PIPOX: variants seen among roughly 807,000 people sequenced by gnomAD.
PIPOX encodes peroxisomal sarcosine oxidase.
PIPOX carries 45 observed loss-of-function variants against 47.9 expected under a neutral mutation model. That is an observed-to-expected ratio of 0.94 (90% CI 0.74 to 1.20). The LOEUF is 1.20. Among genes scored for constraint, PIPOX ranks in the 50% most tolerant of loss-of-function variants. The probability of loss-of-function intolerance (pLI) is 0.00; values close to 1 mark genes in which losing one functional copy is unlikely to be tolerated. For synonymous variants in PIPOX, 165 were observed against 191.3 expected, an observed-to-expected ratio of 0.86 and a Z score of 1.13; for missense variants, 458 against 498.4, an observed-to-expected ratio of 0.92 and a Z score of 0.77.
At chr17:29,049,394 GA>G (rs11291050) in intron 2 of PIPOX, among the ~76,000 whole-genome samples, 33,141 of 151,962 alleles carry the variant, frequency 0.22, 4,251 homozygotes, top group African/African-American at 0.36. Context: ...GGTCTAAGCA[GA>G]AAAAAAGAAG....
intron 4 of PIPOX, 187 bp downstream of exon 4, chr17:29,053,782 G>A (rs995463341): frequency 8.4e-6 from 4 of 474,902 alleles, no homozygotes; most frequent in Middle Eastern, 5.4e-4. Flanking sequence ...GGCTGTTGGA[G>A]AATTAAATTA....
intron 2 of PIPOX, chr17:29,046,606 A>G: frequency 1.0e-6 from 1 of 985,380 alleles, no homozygotes; most frequent in Non-Finnish European, 1.2e-6. Flanking sequence ...ATTCTGTTCC[A>G]TTGAGCAACA....
intron 1 of PIPOX, 45 bp from the exon 2 acceptor site, chr17:29,044,814 T>A (rs762597250): frequency 3.8e-6 from 6 of 1,574,024 alleles, no homozygotes; most frequent in Non-Finnish European, 8.6e-7. Context: ...GGATGCAGTG[T>A]GAGGGGTAAT....
At chr17:29,054,524 A>T in intron 4 of PIPOX, 21 bp from the exon 5 acceptor site, 1 of 1,611,904 alleles carries the variant, frequency 6.2e-7, no homozygotes, top group Non-Finnish European at 8.5e-7. Context: ...TTCATTTCCC[A>T]CTTCCTCTCC....
intron 2 of PIPOX, 53 bp downstream of exon 2, chr17:29,045,060 T>G (rs1269506831): frequency 9.9e-6 from 15 of 1,520,928 alleles, no homozygotes; most frequent in Non-Finnish European, 1.3e-5. Flanking sequence ...CTGCAGGTAC[T>G]TTTAGTGTGT....
intron 2 of PIPOX, among the ~76,000 whole-genome samples, chr17:29,051,263 G>T (rs2065805084): frequency 6.6e-6 from 1 of 152,234 alleles, no homozygotes; most frequent in Non-Finnish European, 1.5e-5. Context: ...CGAAGAGGCA[G>T]AGCTCTCGTT....
Position 29,052,901 on chromosome 17 carries a change from G to A in PIPOX, c.264-19G>A, listed in dbSNP as rs2065811620. 6.2e-7 allele frequency: 1 copy of A among 1,611,024 alleles called. No individual in the cohort carries two copies. Among genetic ancestry groups the A allele is most frequent in the Non-Finnish European group, 8.5e-7 (1 of 1,177,194 alleles). ...GATTTTGAAACACACCTTCACCTAG[G>A]TGACTTATTTTTTAACAGGCAGACT... On this transcript the variant is annotated intron_variant, in intron 2 of 7. Coordinates refer to ENST00000323372, the MANE Select transcript of PIPOX (RefSeq NM_016518.3).
Position 29,049,968 on chromosome 17 carries a change from A to G in PIPOX, c.264-2952A>G, listed in dbSNP as rs548655764. 3.9e-5 allele frequency among the ~76,000 whole-genome samples: 6 copies of G among 152,332 alleles called. No individual in the cohort carries two copies. In the South Asian group the frequency reaches 1.2e-3, roughly 32 times the overall value. On this transcript the variant is annotated intron_variant, in intron 2 of 7. Coordinates refer to ENST00000323372, the MANE Select transcript of PIPOX (RefSeq NM_016518.3). ...ATTCACCGGCAGAATCAGCTCGCTGATTACTCCCAGGGATGGGGAGCTCCC... is the reference window on the plus strand; with the variant it reads ...ATTCACCGGCAGAATCAGCTCGCTGGTTACTCCCAGGGATGGGGAGCTCCC...
intron 2 of PIPOX, chr17:29,046,574 T>C (rs973689309): frequency 2.5e-5 from 25 of 985,240 alleles, no homozygotes; most frequent in Non-Finnish European, 2.7e-5. Flanking sequence ...AGTCCCTTAT[T>C]GACCCATTCT....
rs995305427 is a variant in PIPOX, at chr17:29,056,432, C to A, written c.*127C>A. Reference sequence around the variant, plus strand: ...CTGCCTCGCCTGAATCCCCCATAAACACCAGATGATTGAGTCTACCTTCTT... The same window carrying A: ...CTGCCTCGCCTGAATCCCCCATAAAAACCAGATGATTGAGTCTACCTTCTT... On this transcript the variant is annotated 3_prime_UTR_variant, in exon 8 of 8. Transcript: ENST00000323372. 21 of 1,070,858 alleles carry A rather than the reference C, an allele frequency of 2.0e-5. No homozygotes were observed. The highest frequency in any genetic ancestry group is 2.7e-5 in the Non-Finnish European group (20 of 739,912). 66.3% of individuals were successfully genotyped at this position (1,070,858 alleles called of 1,614,324 possible).
Position 29,044,979 on chromosome 17 carries a change from G to C in PIPOX, c.235G>C (p.Glu79Gln), listed in dbSNP as rs1568018029. 8.1e-6 allele frequency: 13 copies of C among 1,611,616 alleles called. No individual in the cohort carries two copies. The highest frequency in any genetic ancestry group is 1.1e-5 in the Non-Finnish European group (13 of 1,178,802). Residue 79 changes from glutamate (E) to glutamine (Q), a missense_variant, in exon 2 of 8, where the codon GAG (glutamate) becomes CAG (glutamine). Physicochemically the swap from Glu to Gln is conservative, Grantham distance 29. Transcript: ENST00000323372. ...GTGCTATCAGATATGGGCCCAGCTGGAGCACGAGGCTGGAACCCAATTGCA... is the reference window on the plus strand; with the variant it reads ...GTGCTATCAGATATGGGCCCAGCTGCAGCACGAGGCTGGAACCCAATTGCA... ...HECYQIWAQL[E>Q]HEAGTQLHRQ...
chr17:29,047,724 A>G (rs935187796), intron 2 of PIPOX, among the ~76,000 whole-genome samples: 12 of 152,134 alleles, frequency 7.9e-5, no homozygotes, highest in African/African-American at 2.9e-4. Context: ...TTTAAAAACC[A>G]TCTTGGCTCA....
At chr17:29,049,557 C>G (rs750598029) in intron 2 of PIPOX, among the ~76,000 whole-genome samples, 1 of 152,210 alleles carries the variant, frequency 6.6e-6, no homozygotes, top group Non-Finnish European at 1.5e-5. Flanking sequence ...GAGGAAAAGG[C>G]CCATTCTCCA....
chr17:29,045,471 C>T (rs781201528), intron 2 of PIPOX, among the ~76,000 whole-genome samples: 12 of 125,700 alleles, frequency 9.5e-5, no homozygotes, highest in African/African-American at 2.7e-4. Context: ...AGTGTAGTGG[C>T]GCCATCTTGG....
At position 29,050,912 on chromosome 17, in the gene PIPOX, T is replaced by G. The variant is rs922243910; in HGVS notation, c.264-2008T>G. ...ATCTCAGCACTTTGTGAGGCTGAGGTGGGCAGATCATGAGGTCAGGAGTTC... is the reference window on the plus strand; with the variant it reads ...ATCTCAGCACTTTGTGAGGCTGAGGGGGGCAGATCATGAGGTCAGGAGTTC... On this transcript the variant is annotated intron_variant, in intron 2 of 7. Coordinates refer to ENST00000323372, the MANE Select transcript of PIPOX (RefSeq NM_016518.3). Among the ~76,000 whole-genome samples the G allele has an allele frequency of 2.0e-5, 3 of 150,788 alleles. No homozygotes were observed. In the East Asian group the frequency reaches 5.9e-4, roughly 29 times the overall value.
chr17:29,045,403 C>CTTTTTTT lies in PIPOX; in HGVS notation c.263+418_263+424dup, dbSNP rs57047541. 1.8e-3 allele frequency among the ~76,000 whole-genome samples: 90 copies of CTTTTTTT among 50,978 alleles called. 14 individuals carry two copies. Among genetic ancestry groups the CTTTTTTT allele is most frequent in the East Asian group, 9.1e-3 (12 of 1,314 alleles). 33.4% of individuals were successfully genotyped at this position (50,978 alleles called of 152,430 possible). On this transcript the variant is annotated intron_variant, in intron 2 of 7. Transcript: ENST00000323372. ...GGAGGAGGCTGCTTTCAGGAGGATT[C>CTTTTTTT]TTTTTTTTTTTTTTTTTTTTTTTTT...
Position 29,055,221 on chromosome 17 carries a change from G to A in PIPOX, c.966G>A (p.Thr322=), listed in dbSNP as rs751686899. The A allele has an allele frequency of 1.3e-5, 21 of 1,613,990 alleles. No homozygotes were observed. The highest frequency in any genetic ancestry group is 5.3e-5 in the African/African-American group (4 of 74,902). Residue 322 remains threonine, a splice_region_variant and synonymous_variant, in exon 6 of 8, where the codon ACG becomes ACA. Transcript: ENST00000323372. ...EPAVIESCMY[T]NTPDEQFILD... is the part of the protein sequence containing the mutation. ...CTGTCATTGAGAGCTGCATGTACACGGTAAGGGGTCTGGGCAGCCTTGCTG... is the reference window on the plus strand; with the variant it reads ...CTGTCATTGAGAGCTGCATGTACACAGTAAGGGGTCTGGGCAGCCTTGCTG...
At chr17:29,053,616 G>A (rs199865979) in intron 4 of PIPOX, 21 bp downstream of exon 4, 747 of 1,551,246 alleles carry the variant, frequency 4.8e-4, no homozygotes, top group Non-Finnish European at 6.0e-4. Flanking sequence ...CTGGAAGCCC[G>A]AGAGTTGGTG....
rs2152699006 is a variant in PIPOX, at chr17:29,055,239, C to G, written c.966+18C>G. 6.2e-7 allele frequency: 1 copy of G among 1,613,834 alleles called. No individual in the cohort carries two copies. The highest frequency in any genetic ancestry group is 8.5e-7 in the Non-Finnish European group (1 of 1,179,892). ...TGTACACGGTAAGGGGTCTGGGCAG[C>G]CTTGCTGGGCCCCCTCACCACTCTA... On this transcript the variant is annotated intron_variant, in intron 6 of 7. Transcript: ENST00000323372.
Sources: gnomAD v4.1 joint callset for allele counts (sites outside exome capture counted in the v4.1 genomes callset) on GRCh38, gnomAD v4.1.1 for gene constraint, MANE v1.5 for transcripts, NCBI Gene and HGNC (gene_info 2026-07-23, HGNC 2026-07-21) for gene names.